Variants in UBE2V2 observed in about 807,000 individuals in gnomAD.
UBE2V2 encodes ubiquitin-conjugating enzyme E2 variant 2.
In UBE2V2, 9 loss-of-function variants were observed where a neutral mutation model predicts 17.2. The observed-to-expected ratio is 0.52, with a 90% CI of 0.32 to 0.91. UBE2V2 has a LOEUF of 0.91. Ranked by LOEUF, UBE2V2 falls within the 40% of genes least tolerant of loss-of-function variation. The pLI is 0.04. For missense variants in UBE2V2, 133 were observed against 182.6 expected (o/e 0.73, Z 1.56); for synonymous variants, 61 against 57.5 (o/e 1.06, Z -0.28).
At chr8:48,010,547 G>A (rs1284597273) in intron 1 of UBE2V2, among the ~76,000 whole-genome samples, 2 of 151,648 alleles carry the variant, frequency 1.3e-5, no homozygotes, top group South Asian at 2.1e-4. Flanking sequence ...GACAACAGGC[G>A]CGTGCCACCA....
chr8:48,008,622 G>C, intron 1 of UBE2V2, 152 bp downstream of exon 1: 3 of 1,169,244 alleles, frequency 2.6e-6, no homozygotes, highest in Non-Finnish European at 2.2e-6. Context: ...CTGGGACCGG[G>C]TGGGACCGGC....
intron 3 of UBE2V2, among the ~76,000 whole-genome samples, chr8:48,054,724 C>T (rs1231557012): frequency 4.6e-5 from 7 of 152,104 alleles, no homozygotes; most frequent in Non-Finnish European, 8.8e-5. Flanking sequence ...GTATTTAATA[C>T]GACGAGGCAA....
At chr8:48,026,623 A>G (rs1177226011) in intron 1 of UBE2V2, among the ~76,000 whole-genome samples, 1 of 152,192 alleles carries the variant, frequency 6.6e-6, no homozygotes, top group African/African-American at 2.4e-5. Flanking sequence ...ATCTGTCTCA[A>G]TAGATTTACC....
intron 3 of UBE2V2, among the ~76,000 whole-genome samples, chr8:48,056,193 C>T (rs1396586702): frequency 6.6e-6 from 1 of 152,088 alleles, no homozygotes; most frequent in Non-Finnish European, 1.5e-5. Flanking sequence ...TACTTTATTC[C>T]TTTTTATTGT....
upstream of UBE2V2, among the ~76,000 whole-genome samples, chr8:48,007,475 CAG>C (rs1198569530): frequency 6.6e-6 from 1 of 150,444 alleles, no homozygotes; most frequent in Non-Finnish European, 1.5e-5. Flanking sequence ...AACAGACAAA[CAG>C]AGAGCCAAAT....
At chr8:48,052,909 C>G (rs752569766) in intron 3 of UBE2V2, among the ~76,000 whole-genome samples, 80 of 152,102 alleles carry the variant, frequency 5.3e-4, no homozygotes, top group Admixed American at 7.9e-4. Context: ...ACTGTAAATT[C>G]CACTTTCTTT....
At chr8:48,034,905 CTTG>C (rs1416352677) in intron 1 of UBE2V2, 47 of 411,130 alleles carry the variant, frequency 1.1e-4, no homozygotes, top group Non-Finnish European at 1.5e-4. Flanking sequence ...AAGGGATAGG[CTTG>C]TTGCCCGGGA....
Position 48,049,915 on chromosome 8 carries a change from T to A in UBE2V2, c.228T>A (p.Ala76=). ...AATGTGGACCTAAATACCCAGAAGCTCCTCCGTCAGTTAGATTTGTAACAA... is the reference window on the plus strand; with the variant it reads ...AATGTGGACCTAAATACCCAGAAGCACCTCCGTCAGTTAGATTTGTAACAA... ...KVECGPKYPE[A]PPSVRFVTKI... The change falls in exon 3 of 4, where the codon GCT becomes GCA. Residue 76 remains alanine, a synonymous_variant. Coordinates refer to ENST00000523111, the MANE Select transcript of UBE2V2 (RefSeq NM_003350.3). The A allele has an allele frequency of 6.3e-7, 1 of 1,586,498 alleles. No individual in the cohort carries two copies. The highest frequency in any genetic ancestry group is 8.5e-7 in the Non-Finnish European group (1 of 1,170,764).
chr8:48,003,230 AAG>A, the UBE2V2 span, among the ~76,000 whole-genome samples: 5 of 151,714 alleles, frequency 3.3e-5, no homozygotes, highest in Admixed American at 6.6e-5. Flanking sequence ...AAAAAAAAAA[AAG>A]AGAGAATTTA....
chr8:48,035,107 C>A (rs201480196), intron 1 of UBE2V2: 809 of 855,016 alleles, frequency 9.5e-4, no homozygotes, highest in South Asian at 1.0e-3. Flanking sequence ...CCTATTTATT[C>A]TTTTTTTTTT....
intron 1 of UBE2V2, among the ~76,000 whole-genome samples, chr8:48,039,275 C>T (rs2091445760): frequency 1.3e-5 from 2 of 152,130 alleles, no homozygotes; most frequent in Non-Finnish European, 2.9e-5. Flanking sequence ...TGTATAAAAA[C>T]TATGTTTATT....
chr8:48,050,624 G>T (rs1185551850), intron 3 of UBE2V2: 1 of 151,620 alleles, frequency 6.6e-6, no homozygotes, highest in African/African-American at 2.4e-5. Flanking sequence ...GGGGCATGGT[G>T]GCTCACGCTT....
chr8:48,051,180 T>C (rs367624090), intron 3 of UBE2V2, among the ~76,000 whole-genome samples: 53 of 152,312 alleles, frequency 3.5e-4, no homozygotes, highest in African/African-American at 1.3e-3. Flanking sequence ...CATGCCCTGC[T>C]TGACCCACAC....
chr8:48,006,110 T>C (rs1390358292), upstream of UBE2V2, among the ~76,000 whole-genome samples: 1 of 152,240 alleles, frequency 6.6e-6, no homozygotes. Context: ...CTGAATGGTA[T>C]TGCCTAGGTT....
upstream of UBE2V2, chr8:48,008,263 T>C (rs2091198624): frequency 1.7e-6 from 1 of 590,640 alleles, no homozygotes; most frequent in Admixed American, 4.5e-5. Flanking sequence ...GAGAGCGGGA[T>C]TCACAAGGGA....
At chr8:48,007,975 T>G (rs943547875), upstream of UBE2V2, among the ~76,000 whole-genome samples, 1 of 152,172 alleles carries the variant, frequency 6.6e-6, no homozygotes, top group African/African-American at 2.4e-5. Flanking sequence ...CAGGCTGGAG[T>G]GCAGTGGCGC....
chr8:48,053,422 A>AT (rs1218371704), intron 3 of UBE2V2, among the ~76,000 whole-genome samples: 4,524 of 136,560 alleles, frequency 0.033, 115 homozygotes, highest in Non-Finnish European at 0.046. Flanking sequence ...AGATCTTTTA[A>AT]TTTTTTTTTT....
At chr8:48,052,496 A>G (rs573274848) in intron 3 of UBE2V2, among the ~76,000 whole-genome samples, 5 of 151,868 alleles carry the variant, frequency 3.3e-5, no homozygotes, top group African/African-American at 1.2e-4. Flanking sequence ...CCTTCCCCCA[A>G]CCCATTTATC....
At chr8:48,033,417 C>T (rs1414249401) in intron 1 of UBE2V2, among the ~76,000 whole-genome samples, 1 of 152,038 alleles carries the variant, frequency 6.6e-6, no homozygotes, top group Non-Finnish European at 1.5e-5. Context: ...AACTCCTGGA[C>T]TCAAGTAATC....
Sources: allele counts gnomAD v4.1 joint callset (sites outside exome capture counted in the v4.1 genomes callset), GRCh38; gene constraint gnomAD v4.1.1; transcripts MANE v1.5; gene names NCBI Gene and HGNC (gene_info 2026-07-23, HGNC 2026-07-21).